SLC41A3: variants seen among roughly 807,000 people sequenced by gnomAD.
SLC41A3 encodes solute carrier family 41 member 3.
In SLC41A3, 44 loss-of-function variants were observed where a neutral mutation model predicts 45.4. The ratio of observed to expected loss-of-function variants is 0.97; its 90% CI spans 0.76 to 1.25. The LOEUF (loss-of-function observed/expected upper bound fraction) is 1.25, where lower values mean the gene tolerates loss of function less well. Among genes scored for constraint, SLC41A3 ranks in the 50% most tolerant of loss-of-function variants. SLC41A3 has a pLI of 0.00. For missense variants in SLC41A3, 550 were observed against 600.6 expected, an observed-to-expected ratio of 0.92 and a Z score of 0.88; for synonymous variants, 256 against 252.4, an observed-to-expected ratio of 1.01 and a Z score of -0.13.
chr3:126,083,465 G>GGA (rs201784389), intron 1 of SLC41A3, among the ~76,000 whole-genome samples: 2 of 152,234 alleles, frequency 1.3e-5, no homozygotes, highest in African/African-American at 4.8e-5. Flanking sequence ...TCTCCTGGAT[G>GGA]GAGAGAGTGT....
In SLC41A3 at chr3:126,080,952, G is replaced by GAA. The variant is rs113603591; in HGVS notation, c.-28+3139_-28+3140dup. 1.5e-3 allele frequency among the ~76,000 whole-genome samples: 223 copies of GAA among 144,218 alleles called. 3 individuals are homozygous for GAA. The highest frequency in any genetic ancestry group is 9.4e-3 in the East Asian group (47 of 4,976). 94.6% of individuals were successfully genotyped at this position (144,218 alleles called of 152,430 possible). A position where few individuals can be genotyped will look rare whatever the true frequency, so the allele number is the denominator to read the frequency against. On this transcript the variant is annotated intron_variant, in intron 1 of 10. Coordinates refer to ENST00000360370, the MANE Select transcript of SLC41A3 (RefSeq NM_017836.4). ...GGCAACAGAGCGAGATTCCATCTCT[G>GAA]AAAAAAAAAAACAAACTAAAAACAG...
chr3:126,076,274 A>G (rs1474598754), intron 1 of SLC41A3, among the ~76,000 whole-genome samples: 3 of 152,214 alleles, frequency 2.0e-5, no homozygotes, highest in African/African-American at 7.2e-5. Context: ...AATCAAAACC[A>G]CAGTAAGATA....
chr3:126,007,517 C>T (rs561351761), intron 10 of SLC41A3, among the ~76,000 whole-genome samples: 2 of 152,300 alleles, frequency 1.3e-5, no homozygotes, highest in East Asian at 1.9e-4. Flanking sequence ...CTCTCTGCTG[C>T]GATAGGCTCT....
intron 2 of SLC41A3, chr3:126,056,538 C>A: frequency 6.2e-7 from 1 of 1,613,746 alleles, no homozygotes; most frequent in South Asian, 1.1e-5. Flanking sequence ...CCAGATTCAG[C>A]TGGGTGACCA....
Position 126,050,958 on chromosome 3 carries a change from G to A in SLC41A3, c.366C>T (p.Ser122=), listed in dbSNP as rs767844318. 3 of 1,612,422 alleles carry A rather than the reference G, an allele frequency of 1.9e-6. No individual in the cohort carries two copies. The highest frequency in any genetic ancestry group is 3.3e-5 in the Admixed American group (2 of 59,834). Residue 122 remains serine (S), a synonymous_variant, in exon 3 of 11, where the codon TCC becomes TCT. Transcript: ENST00000360370. ...GTCCACTTACAGCTGTGGAGAGTCTGGATGCCAGTGTCATCTCCAGGTTCC... is the reference window on the plus strand; with the variant it reads ...GTCCACTTACAGCTGTGGAGAGTCTAGATGCCAGTGTCATCTCCAGGTTCC... ...LKGNLEMTLA[S]RLSTAANTGQ...
chr3:126,089,161 G>T (rs564511903), upstream of SLC41A3, among the ~76,000 whole-genome samples: 2 of 152,274 alleles, frequency 1.3e-5, no homozygotes, highest in South Asian at 4.1e-4. Context: ...TAAATTTGGG[G>T]GTTGAGGGGG....
intron 7 of SLC41A3, 95 bp downstream of exon 7, chr3:126,016,636 A>G (rs1940311426): frequency 1.4e-6 from 2 of 1,470,440 alleles, no homozygotes; most frequent in African/African-American, 1.4e-5. Context: ...ATTTCACTCC[A>G]TTCCTGTCCC....
intron 4 of SLC41A3, among the ~76,000 whole-genome samples, 192 bp downstream of exon 4, chr3:126,033,415 T>C (rs1235321520): frequency 4.6e-5 from 7 of 151,276 alleles, no homozygotes; most frequent in Non-Finnish European, 1.0e-4. Context: ...ACCCTGGGTC[T>C]GCTTCAGGTG....
chr3:126,060,382 G>A (rs1943995020), intron 2 of SLC41A3, among the ~76,000 whole-genome samples: 1 of 150,446 alleles, frequency 6.6e-6, no homozygotes, highest in Non-Finnish European at 1.5e-5. Context: ...TCATGCCATT[G>A]CACTCCAGCC....
At chr3:126,068,690 T>C (rs969451872) in intron 1 of SLC41A3, among the ~76,000 whole-genome samples, 6 of 152,186 alleles carry the variant, frequency 3.9e-5, no homozygotes, top group African/African-American at 1.4e-4. Context: ...CATTCTAACA[T>C]GCCTGGTCCC....
chr3:126,044,228 G>A (rs1174446508), intron 3 of SLC41A3, among the ~76,000 whole-genome samples: 3 of 152,156 alleles, frequency 2.0e-5, no homozygotes, highest in African/African-American at 7.2e-5. Context: ...AATGATACAA[G>A]GATGAAATCA....
intron 1 of SLC41A3, among the ~76,000 whole-genome samples, chr3:126,090,053 T>C (rs1007579421): frequency 8.1e-4 from 85 of 104,840 alleles, no homozygotes; most frequent in African/African-American, 3.6e-3. Flanking sequence ...TTTTTTTTTT[T>C]AGTTATTTGA....
At chr3:126,097,350 C>T (rs370901977) in intron 1 of SLC41A3, among the ~76,000 whole-genome samples, 89 of 152,264 alleles carry the variant, frequency 5.8e-4, no homozygotes, top group African/African-American at 2.0e-3. Flanking sequence ...ATTCAATTAA[C>T]ATTTTGCTGT....
chr3:126,056,770 C>G (rs528742956), intron 2 of SLC41A3: 6 of 1,385,828 alleles, frequency 4.3e-6, no homozygotes, highest in African/African-American at 1.4e-5. Flanking sequence ...GTGTGACTCA[C>G]GGCCTCATTA....
chr3:126,087,051 A>G (rs1341260068), upstream of SLC41A3, among the ~76,000 whole-genome samples: 2 of 152,144 alleles, frequency 1.3e-5, no homozygotes, highest in African/African-American at 2.4e-5. Flanking sequence ...TTTTGTTTGC[A>G]TTTATTGATC....
At chr3:126,042,709 A>T (rs1031043379) in intron 3 of SLC41A3, among the ~76,000 whole-genome samples, 1 of 152,174 alleles carries the variant, frequency 6.6e-6, no homozygotes, top group Non-Finnish European at 1.5e-5. Context: ...CAGAAATCAT[A>T]AAAAAAGAAC....
chr3:126,008,975 A>G (rs1255548618), intron 9 of SLC41A3, 95 bp from the exon 10 acceptor site: 7 of 1,498,452 alleles, frequency 4.7e-6, no homozygotes, highest in African/African-American at 1.4e-5. Flanking sequence ...TCACTCATCC[A>G]TTTATTCCCA....
At position 126,019,542 on chromosome 3, in the gene SLC41A3, C is replaced by T. The variant is rs953036349; in HGVS notation, c.746-2667G>A. 2.6e-5 allele frequency among the ~76,000 whole-genome samples: 4 copies of T among 152,144 alleles called. No individual in the cohort carries two copies. In the East Asian group the frequency reaches 7.7e-4, roughly 29 times the overall value. ...CGAAGTCCAGAGTCTCACATGTGAGCCTATGAAATCAAAACAAGCTACCTG... is the reference window on the plus strand; with the variant it reads ...CGAAGTCCAGAGTCTCACATGTGAGTCTATGAAATCAAAACAAGCTACCTG... On this transcript the variant is annotated intron_variant, in intron 6 of 10. Transcript: ENST00000360370.
chr3:126,032,620 G>A (rs1465593487), intron 4 of SLC41A3, among the ~76,000 whole-genome samples: 7 of 152,210 alleles, frequency 4.6e-5, no homozygotes, highest in African/African-American at 1.7e-4. Flanking sequence ...ACTAGACTGA[G>A]TTGGGGACTT....
Sources: gnomAD v4.1 joint callset for allele counts (sites outside exome capture counted in the v4.1 genomes callset) on GRCh38, gnomAD v4.1.1 for gene constraint, MANE v1.5 for transcripts, NCBI Gene and HGNC (gene_info 2026-07-23, HGNC 2026-07-21) for gene names.